The following CDH4 variants were observed in gnomAD, a reference collection of about 807,000 sequenced individuals.
The protein encoded by CDH4 is cadherin-4.
CDH4 carries 33 observed loss-of-function variants against 86.0 expected under a neutral mutation model. That is an observed-to-expected ratio of 0.38 (90% CI 0.29 to 0.51). CDH4 has a LOEUF of 0.51. CDH4 is among the 20% of genes least tolerant of loss of function. CDH4 has a pLI of 0.86. For missense variants in CDH4, 1,114 were observed against 1,307.4 expected, an observed-to-expected ratio of 0.85 and a Z score of 2.28; for synonymous variants, 555 against 549.4, an observed-to-expected ratio of 1.01 and a Z score of -0.14.
At chr20:61,585,654 GGTGATGGTGATT>G (rs1430508631) in intron 2 of CDH4, among the ~76,000 whole-genome samples, 1 of 150,226 alleles carries the variant, frequency 6.7e-6, no homozygotes, top group African/African-American at 2.4e-5. Context: ...TGATGGTGAT[GGTGATGGTGATT>G]GTGATGGTGA....
At chr20:61,589,318 G>T (rs116102309) in intron 2 of CDH4, among the ~76,000 whole-genome samples, 2,230 of 152,250 alleles carry the variant, frequency 0.015, 48 homozygotes, top group African/African-American at 0.042. Flanking sequence ...AAACGAAAAA[G>T]GTTCAACTTA....
intron 2 of CDH4, among the ~76,000 whole-genome samples, chr20:61,356,517 A>G (rs556398671): frequency 3.9e-5 from 6 of 152,170 alleles, no homozygotes; most frequent in African/African-American, 1.2e-4. Context: ...GTCTGACTAC[A>G]TTTTCTTCAA....
rs1475465701 is a variant in CDH4 at position 61,258,317 on chromosome 20, G to A, written c.169+3380G>A. 7.9e-5 allele frequency among the ~76,000 whole-genome samples: 6 copies of A among 75,638 alleles called. No individual in the cohort carries two copies. The South Asian group carries it at 2.6e-3, about 32-fold the overall frequency. The allele number at this position is 75,638 out of a possible 152,430, so 49.6% of individuals were successfully genotyped here. On this transcript the variant is annotated intron_variant, in intron 2 of 15. Transcript: ENST00000614565. ...TGCACTCCAGCCTGGGCAAAAGAAC[G>A]AGACTCCGTCTCAAAAAAAAAAAAA...
chr20:61,394,118 G>A, intron 2 of CDH4, among the ~76,000 whole-genome samples: 1 of 152,208 alleles, frequency 6.6e-6, no homozygotes, highest in East Asian at 1.9e-4. Context: ...TGGAGGATTT[G>A]TAGGTGATGT....
intron 2 of CDH4, among the ~76,000 whole-genome samples, chr20:61,665,809 G>C (rs989006140): frequency 6.6e-6 from 1 of 152,196 alleles, no homozygotes; most frequent in Non-Finnish European, 1.5e-5. Context: ...CATGCACAGC[G>C]TACACGGTCC....
chr20:61,781,902 G>A (rs1398734036), intron 4 of CDH4, among the ~76,000 whole-genome samples: 1 of 152,156 alleles, frequency 6.6e-6, no homozygotes, highest in Non-Finnish European at 1.5e-5. Context: ...AGTCAGAATG[G>A]GGTCTTCTCC....
At position 61,275,683 on chromosome 20, in the gene CDH4, G is replaced by A. The variant is rs1378532765; in HGVS notation, c.169+20746G>A. Among the ~76,000 whole-genome samples the A allele has an allele frequency of 4.7e-5, 7 of 149,282 alleles. No homozygotes were observed. The East Asian group carries it at 1.2e-3, about 25-fold the overall frequency. ...GCGCAGTTTGGGGGGAGTACCGTGTGCAGTTTGGGGGAGTACCGTGCGCAG... is the reference window on the plus strand; with the variant it reads ...GCGCAGTTTGGGGGGAGTACCGTGTACAGTTTGGGGGAGTACCGTGCGCAG... On this transcript the variant is annotated intron_variant, in intron 2 of 15. Coordinates refer to ENST00000614565, the MANE Select transcript of CDH4 (RefSeq NM_001794.5).
chr20:61,760,735 C>A (rs553040879), intron 3 of CDH4, among the ~76,000 whole-genome samples: 1 of 152,218 alleles, frequency 6.6e-6, no homozygotes, highest in African/African-American at 2.4e-5. Flanking sequence ...TGTATTATTT[C>A]TATGGGAATT....
chr20:61,854,312 G>A (rs1340627227), intron 6 of CDH4, among the ~76,000 whole-genome samples: 1 of 152,208 alleles, frequency 6.6e-6, no homozygotes. Flanking sequence ...GCTCGTGGAG[G>A]TGGCTGCGTG....
chr20:61,565,233 G>GTGGTGGTGCTCT lies in CDH4; in HGVS notation c.170-178322_170-178321insCTCTTGGTGGTG, dbSNP rs1555809115. On this transcript the variant is annotated intron_variant, in intron 2 of 15. Coordinates refer to ENST00000614565, the MANE Select transcript of CDH4 (RefSeq NM_001794.5). ...GTGCTCTCGGTGGTAGGTGGTGGTG[G>GTGGTGGTGCTCT]TGGTGGTGGCGGTGCTCTTGGTGAT... Among the ~76,000 whole-genome samples the GTGGTGGTGCTCT allele has an allele frequency of 3.2e-4, 15 of 46,760 alleles. 1 individual carries two copies. The highest frequency in any genetic ancestry group is 1.4e-3 in the East Asian group (3 of 2,130). The allele number at this position is 46,760 out of a possible 152,430, so 30.7% of individuals were successfully genotyped here. A position where few individuals can be genotyped will look rare whatever the true frequency, so the allele number is the denominator to read the frequency against.
intron 2 of CDH4, among the ~76,000 whole-genome samples, chr20:61,261,988 T>C (rs927718814): frequency 6.6e-6 from 1 of 152,188 alleles, no homozygotes; most frequent in African/African-American, 2.4e-5. Context: ...TCTCGGATTT[T>C]AGACTCTGCC....
chr20:61,575,153 G>T (rs184636949), intron 2 of CDH4, among the ~76,000 whole-genome samples: 1 of 152,300 alleles, frequency 6.6e-6, no homozygotes, highest in Admixed American at 6.5e-5. Context: ...TCAGCTTCAG[G>T]AGCAGCTTGA....
rs547245935 is a variant in CDH4 at position 61,544,323 on chromosome 20, G to A, written c.170-199240G>A. ...ACACCCCACAGCCCAGGACAGCCTC[G>A]CAGCAGAAGCATCCAGCTCCATGTA... On this transcript the variant is annotated intron_variant, in intron 2 of 15. Transcript: ENST00000614565. The surrounding 1 kb of genome is among the most constrained non-coding windows in gnomAD (Gnocchi z 6.5). Among the ~76,000 whole-genome samples, 8 of 152,032 alleles carry A rather than the reference G, an allele frequency of 5.3e-5. No individual in the cohort carries two copies. Among genetic ancestry groups the A allele is most frequent in the East Asian group, 1.9e-4 (1 of 5,138 alleles).
Position 61,496,935 on chromosome 20 carries a change from T to G in CDH4, c.169+241998T>G, listed in dbSNP as rs147725155. Among the ~76,000 whole-genome samples, 1,045 of 152,240 alleles carry G rather than the reference T, an allele frequency of 6.9e-3. 10 individuals are homozygous for G. Among genetic ancestry groups the G allele is most frequent in the Admixed American group, 0.021 (315 of 15,296 alleles). ...AATCTTGTTGTGGGCAGGTGTTTTT[T>G]TTTGTTTGTTTTGGGGATTGATTTT... On this transcript the variant is annotated intron_variant, in intron 2 of 15. Transcript: ENST00000614565.
At chr20:61,434,626 A>G (rs1174181690) in intron 2 of CDH4, 1 of 152,148 alleles carries the variant, frequency 6.6e-6, no homozygotes, top group Non-Finnish European at 1.5e-5. Context: ...CTTCTCGTTC[A>G]TTTAAGCACA....
intron 2 of CDH4, among the ~76,000 whole-genome samples, chr20:61,485,208 A>G (rs1356866343): frequency 6.6e-6 from 1 of 152,192 alleles, no homozygotes; most frequent in African/African-American, 2.4e-5. Flanking sequence ...AGATCTCCCC[A>G]ATAGAGAATT....
At chr20:61,588,883 G>C (rs932235711) in intron 2 of CDH4, among the ~76,000 whole-genome samples, 1 of 152,146 alleles carries the variant, frequency 6.6e-6, no homozygotes, top group African/African-American at 2.4e-5. Context: ...TGTAAGCCTC[G>C]AGGGCTGAGA....
At chr20:61,297,974 G>A (rs1312427265) in intron 2 of CDH4, among the ~76,000 whole-genome samples, 2 of 152,238 alleles carry the variant, frequency 1.3e-5, no homozygotes, top group Non-Finnish European at 2.9e-5. Context: ...GGGTTTTGGG[G>A]TTTCAGGTCA....
intron 2 of CDH4, among the ~76,000 whole-genome samples, chr20:61,282,602 CA>C (rs1239969063): frequency 6.6e-6 from 1 of 151,558 alleles, no homozygotes; most frequent in East Asian, 1.9e-4. Flanking sequence ...CCTGCACACA[CA>C]ACTGGATGAG....
Sources: gnomAD v4.1 joint callset for allele counts (sites outside exome capture counted in the v4.1 genomes callset) on GRCh38, gnomAD v4.1.1 for gene constraint, Gnocchi (gnomAD v3.1) non-coding constraint, MANE v1.5 for transcripts, NCBI Gene and HGNC (gene_info 2026-07-23, HGNC 2026-07-21) for gene names.